Variants in ZC3H7A observed in about 807,000 individuals in gnomAD.
ZC3H7A encodes zinc finger CCCH-type containing 7A, also known as zinc finger CCCH domain-containing protein 7A.
A neutral mutation model predicts 125.5 loss-of-function variants in ZC3H7A; 44 were observed. The observed-to-expected ratio is 0.35, with a 90% CI of 0.28 to 0.45. ZC3H7A has a LOEUF of 0.45. Among genes scored for constraint, ZC3H7A ranks in the 20% least tolerant of loss-of-function variants. The pLI, the probability that ZC3H7A is intolerant of heterozygous loss-of-function variation, is 1.00. For missense variants in ZC3H7A, 977 were observed against 1,170.7 expected, an observed-to-expected ratio of 0.83 and a Z score of 2.41; for synonymous variants, 399 against 391.2, an observed-to-expected ratio of 1.02 and a Z score of -0.23.
At chr16:11,763,748 T>G (rs1221088986) in intron 15 of ZC3H7A, 89 bp from the exon 16 acceptor site, 3 of 45,042 alleles carry the variant, frequency 6.7e-5, no homozygotes, top group South Asian at 7.2e-4. Flanking sequence ...TATATATATA[T>G]ATATATATAT....
At chr16:11,791,013 A>T (rs968681948) in intron 1 of ZC3H7A, among the ~76,000 whole-genome samples, 2 of 151,918 alleles carry the variant, frequency 1.3e-5, no homozygotes, top group Non-Finnish European at 2.9e-5. Context: ...TTCAAGGCTC[A>T]GCAAGCTATA....
chr16:11,790,072 T>A (rs1596406715), intron 1 of ZC3H7A, among the ~76,000 whole-genome samples: 2 of 99,408 alleles, frequency 2.0e-5, no homozygotes, highest in Non-Finnish European at 1.8e-5. Flanking sequence ...AGAGTGAGAC[T>A]CCATCTCAAA....
chr16:11,791,737 C>T (rs557888147), intron 1 of ZC3H7A, among the ~76,000 whole-genome samples: 1 of 152,264 alleles, frequency 6.6e-6, no homozygotes, highest in Non-Finnish European at 1.5e-5. Flanking sequence ...GGGCTTGGCC[C>T]CCAACCCTTT....
At chr16:11,797,043 G>A (rs1422800408) in intron 1 of ZC3H7A, 81 bp downstream of exon 1, 1 of 143,386 alleles carries the variant, frequency 7.0e-6, no homozygotes, top group Non-Finnish European at 1.5e-5. Flanking sequence ...GCGCGAGCAC[G>A]AGGCGGCGGC....
rs199610960 is a variant in ZC3H7A at position 11,768,514 on chromosome 16, T to G, written c.1174-13A>C. 9.6e-6 allele frequency: 11 copies of G among 1,143,396 alleles called. No individual in the cohort carries two copies. In the East Asian group the frequency reaches 1.0e-4, roughly 11 times the overall value. The allele number at this position is 1,143,396 out of a possible 1,614,324, so 70.8% of individuals were successfully genotyped here. A position where few individuals can be genotyped will look rare whatever the true frequency, so the allele number is the denominator to read the frequency against. On this transcript the variant is annotated splice_polypyrimidine_tract_variant and intron_variant, in intron 11 of 22. Coordinates refer to ENST00000355758, the MANE Select transcript of ZC3H7A (RefSeq NM_014153.4). ...CTGGTCCATTCATCTGCAAGAAAAA[T>G]AAGAAGAAAAAAAAAAAAAACAGCC...
intron 3 of ZC3H7A, among the ~76,000 whole-genome samples, chr16:11,779,912 T>C (rs1042730101): frequency 6.6e-6 from 1 of 152,084 alleles, no homozygotes; most frequent in Non-Finnish European, 1.5e-5. Flanking sequence ...TATGTGCATG[T>C]CTTTACCAGT....
intron 8 of ZC3H7A, 93 bp from the exon 9 acceptor site, chr16:11,774,612 TA>T: frequency 7.5e-7 from 1 of 1,337,388 alleles, no homozygotes; most frequent in Admixed American, 2.6e-5. Flanking sequence ...AAGATGAAAA[TA>T]TGAAGGCAAT....
chr16:11,795,906 G>A (rs1276401402), intron 1 of ZC3H7A, among the ~76,000 whole-genome samples: 1 of 152,106 alleles, frequency 6.6e-6, no homozygotes, highest in African/African-American at 2.4e-5. Context: ...GGGCTCAAGG[G>A]ATTCTCCCAC....
chr16:11,761,494 C>G lies in ZC3H7A; in HGVS notation c.2231G>C (p.Arg744Pro). The change falls in exon 19 of 23, where the codon CGT becomes CCT. Residue 744 changes from arginine to proline, a missense_variant. Transcript: ENST00000355758. ...KARHSWTKDRRAMRVMSIERK... is the reference protein window; with the variant it reads ...KARHSWTKDRPAMRVMSIERK... ...TTCAATAGACATCACTCTCATCGCA[C>G]GCCGGTCTTTGGTCCACCTAAGAAA... 1 of 1,613,938 alleles carries G rather than the reference C, an allele frequency of 6.2e-7. No individual in the cohort carries two copies. The highest frequency in any genetic ancestry group is 1.1e-5 in the South Asian group (1 of 91,056).
At chr16:11,763,217 C>T in intron 16 of ZC3H7A, 1 of 284,576 alleles carries the variant, frequency 3.5e-6, no homozygotes, top group Non-Finnish European at 6.6e-6. Context: ...AAGCAATTCT[C>T]ATGCCTCAGC....
rs1845468013 is a variant in ZC3H7A, at chr16:11,776,736, C to G, written c.465+15G>C. Reference sequence around the variant, plus strand: ...AATGGTTACGATGTAAACAAATAAACTATAAATTCCATACCTGAGGCACTG... The same window carrying G: ...AATGGTTACGATGTAAACAAATAAAGTATAAATTCCATACCTGAGGCACTG... On this transcript the variant is annotated intron_variant, in intron 5 of 22. Transcript: ENST00000355758. 1.9e-6 allele frequency: 3 copies of G among 1,583,768 alleles called. No individual in the cohort carries two copies. The highest frequency in any genetic ancestry group is 1.7e-6 in the Non-Finnish European group (2 of 1,170,788).
Position 11,763,633 on chromosome 16 carries a change from G to T in ZC3H7A, c.1847C>A (p.Thr616Lys). The T allele has an allele frequency of 6.3e-7, 1 of 1,586,964 alleles. No homozygotes were observed. Among genetic ancestry groups the T allele is most frequent in the South Asian group, 1.1e-5 (1 of 87,430 alleles). ...ACGTATTTTGGAGTATTTTACTGTT[G>T]TCTCTCGCAAAATGTGGACAAGGCA... is the stretch of plus-strand genomic sequence containing the variant. ...NKCLVHILRE[T>K]TVKYSKIRSF... Residue 616 changes from threonine (T) to lysine (K), a missense_variant, in exon 16 of 23, where the codon ACA becomes AAA. Coordinates refer to ENST00000355758, the MANE Select transcript of ZC3H7A (RefSeq NM_014153.4).
chr16:11,778,166 G>A (rs1288147812), intron 4 of ZC3H7A, among the ~76,000 whole-genome samples: 1 of 151,966 alleles, frequency 6.6e-6, no homozygotes, highest in Non-Finnish European at 1.5e-5. Flanking sequence ...GCCAGGCACG[G>A]TGGCTCACGC....
chr16:11,787,359 C>T (rs2053272386), intron 1 of ZC3H7A, among the ~76,000 whole-genome samples: 1 of 152,094 alleles, frequency 6.6e-6, no homozygotes, highest in African/African-American at 2.4e-5. Flanking sequence ...TCCTTCATGC[C>T]CCTTCCCCAA....
chr16:11,760,303 C>A (rs1189931500), intron 19 of ZC3H7A, among the ~76,000 whole-genome samples: 3 of 152,092 alleles, frequency 2.0e-5, no homozygotes, highest in Non-Finnish European at 4.4e-5. Flanking sequence ...CAGTTGTACT[C>A]ATTTTATCAA....
At position 11,765,684 on chromosome 16, in the gene ZC3H7A, A is replaced by T; in HGVS notation, c.1524T>A (p.Asp508Glu). 1 of 1,610,762 alleles carries T rather than the reference A, an allele frequency of 6.2e-7. No homozygotes were observed. Among genetic ancestry groups the T allele is most frequent in the South Asian group, 1.1e-5 (1 of 90,596 alleles). The part of the protein sequence containing the change: ...NYEGPYYICK[D>E]VAAEEECRYS... Reference sequence around the variant, plus strand: ...ATCTACATTCCTCCTCAGCAGCAACATCTAGAAAGACAGGGAATGGACAGA... The same window carrying T: ...ATCTACATTCCTCCTCAGCAGCAACTTCTAGAAAGACAGGGAATGGACAGA... The change falls in exon 14 of 23, where the codon GAT (aspartate) becomes GAA (glutamate). Residue 508 changes from aspartate (D) to glutamate (E), a missense_variant and splice_region_variant. By Grantham distance (45) the Asp-to-Glu change is conservative. This residue lies in a region of ZC3H7A where 436 missense variants were observed against 603.2 expected (regional missense o/e 0.72). Transcript: ENST00000355758. This position sits in a 1 kb window ranked among gnomAD's most constrained non-coding sequence, Gnocchi z 4.8.
intron 7 of ZC3H7A, among the ~76,000 whole-genome samples, chr16:11,775,369 T>G (rs550939116): frequency 1.1e-4 from 17 of 150,036 alleles, no homozygotes; most frequent in Non-Finnish European, 1.8e-4. Flanking sequence ...AGACTCTGTC[T>G]TGGAAAAAAA....
intron 9 of ZC3H7A, among the ~76,000 whole-genome samples, chr16:11,773,306 A>C (rs1008863266): frequency 6.6e-6 from 1 of 151,882 alleles, no homozygotes; most frequent in Non-Finnish European, 1.5e-5. Context: ...CAGCCTTCCA[A>C]GCAGTGGGAC....
Position 11,776,497 on chromosome 16 carries a change from A to G in ZC3H7A, c.501T>C (p.Ala167=), listed in dbSNP as rs2053082428. The change falls in exon 6 of 23, where the codon GCT becomes GCC. Residue 167 remains alanine (A), a synonymous_variant. Coordinates refer to ENST00000355758, the MANE Select transcript of ZC3H7A (RefSeq NM_014153.4). ...EHVIKLTQEL[A]QKLGFKIRKA... ...TTCTTATTTTAAATCCCAATTTCTG[A>G]GCTAGTTCTTGAGTTAGTTTTATTA... The G allele has an allele frequency of 2.5e-6, 4 of 1,611,938 alleles. No homozygotes were observed. The highest frequency in any genetic ancestry group is 3.4e-6 in the Non-Finnish European group (4 of 1,179,478).
Sources: gnomAD v4.1 joint callset for allele counts (sites outside exome capture counted in the v4.1 genomes callset) on GRCh38, gnomAD v4.1.1 for gene constraint, gnomAD v4.1.1 regional missense constraint, Gnocchi (gnomAD v3.1) non-coding constraint, MANE v1.5 for transcripts, NCBI Gene and HGNC (gene_info 2026-07-23, HGNC 2026-07-21) for gene names.